Variants in LRP4 observed in about 807,000 individuals in gnomAD.
The protein encoded by LRP4 is low-density lipoprotein receptor-related protein 4.
A neutral mutation model predicts 220.3 loss-of-function variants in LRP4; 95 were observed. The observed-to-expected ratio is 0.43, with a 90% CI of 0.37 to 0.51. LRP4 has a LOEUF of 0.51. Ranked by LOEUF, LRP4 falls within the 20% of genes least tolerant of loss-of-function variation. LRP4 has a pLI of 0.00. For missense variants in LRP4, 1,925 were observed against 2,567.0 expected (o/e 0.75, Z 5.40); for synonymous variants, 903 against 954.6 (o/e 0.95, Z 1.00).
intron 1 of LRP4, among the ~76,000 whole-genome samples, chr11:46,904,574 A>C (rs1271311650): frequency 1.3e-5 from 2 of 152,092 alleles, no homozygotes; most frequent in Non-Finnish European, 2.9e-5. Flanking sequence ...TACAGGTATA[A>C]TGTACGTTTC....
chr11:46,904,779 G>A (rs571426038), intron 1 of LRP4, among the ~76,000 whole-genome samples: 5 of 152,066 alleles, frequency 3.3e-5, no homozygotes, highest in East Asian at 1.9e-4. Context: ...AGACCAGCCC[G>A]GGGAACATGG....
chr11:46,901,654 T>C (rs778320955), intron 2 of LRP4, among the ~76,000 whole-genome samples: 3 of 152,174 alleles, frequency 2.0e-5, no homozygotes, highest in Non-Finnish European at 2.9e-5. Flanking sequence ...CAGGGATATT[T>C]CTATATATCC....
At chr11:46,886,004 G>C (rs986056064) in intron 18 of LRP4, 87 bp downstream of exon 18, 44 of 1,108,116 alleles carry the variant, frequency 4.0e-5, no homozygotes, top group Non-Finnish European at 5.9e-5. Flanking sequence ...GTCCAGGAGA[G>C]ACACTGGGCT....
intron 1 of LRP4, among the ~76,000 whole-genome samples, chr11:46,915,847 A>T (rs1032529009): frequency 6.6e-6 from 1 of 152,190 alleles, no homozygotes; most frequent in African/African-American, 2.4e-5. Context: ...TGCCTTGCTG[A>T]GGTCAGGTCT....
chr11:46,888,567 A>AAG (rs1941351419), intron 16 of LRP4, among the ~76,000 whole-genome samples: 2 of 149,292 alleles, frequency 1.3e-5, no homozygotes, highest in African/African-American at 2.5e-5. Flanking sequence ...AAAAAAAAAA[A>AAG]AAAAAAGAAT....
chr11:46,895,190 C>G lies in LRP4; in HGVS notation c.1285G>C (p.Asp429His). The part of the protein sequence containing the change: ...WCETGYELRP[D>H]RRSCKALGPE... The stretch of plus-strand genomic sequence containing the variant: ...CCCAGAGCCTTGCAGCTGCGCCGGT[C>G]GGGCCGTAGTTCATAGCCTGTTTCA... The change falls in exon 11 of 38, where the codon GAC becomes CAC. Residue 429 changes from aspartate to histidine, a missense_variant. Physicochemically the swap from Asp to His is moderately conservative, Grantham distance 81. Transcript: ENST00000378623. The G allele has an allele frequency of 6.2e-7, 1 of 1,614,044 alleles. No individual in the cohort carries two copies. Among genetic ancestry groups the G allele is most frequent in the Non-Finnish European group, 8.5e-7 (1 of 1,180,040 alleles).
Position 46,877,193 on chromosome 11 carries a change from A to G in LRP4, c.3277+6T>C. The stretch of plus-strand genomic sequence containing the variant: ...AGGCCAGGTGGGAAGAGAGGGCCAT[A>G]CAGACCTTCCTGGGGGTCTACTCCA... On this transcript the variant is annotated splice_donor_region_variant and intron_variant, in intron 23 of 37. Transcript: ENST00000378623. 3.7e-6 allele frequency: 6 copies of G among 1,613,824 alleles called. No individual in the cohort carries two copies. The highest frequency in any genetic ancestry group is 5.1e-6 in the Non-Finnish European group (6 of 1,179,804).
At position 46,857,575 on chromosome 11, in the gene LRP4, C is replaced by T. The variant is rs1355966743; in HGVS notation, c.*1408G>A. ...TTGTATTTTTATTTATTCAGCCCTC[C>T]CACCACAGGACTTTGGAGATTGCTG... On this transcript the variant is annotated 3_prime_UTR_variant, in exon 38 of 38. Coordinates refer to ENST00000378623, the MANE Select transcript of LRP4 (RefSeq NM_002334.4). 6.6e-6 allele frequency: 1 copy of T among 152,148 alleles called. No homozygotes were observed. Among genetic ancestry groups the T allele is most frequent in the African/African-American group, 2.4e-5 (1 of 41,386 alleles). The allele number at this position is 152,148 out of a possible 1,614,324, so 9.4% of individuals were successfully genotyped here.
Position 46,860,381 on chromosome 11 carries a change from C to T in LRP4, c.5386-1066G>A, listed in dbSNP as rs79869660. ...GCTCTGCTGCCATGAGTCCTGGGAC[C>T]ATTCCCAAGCAAAACCTGGGACTCT... On this transcript the variant is annotated intron_variant, in intron 37 of 37. Coordinates refer to ENST00000378623, the MANE Select transcript of LRP4 (RefSeq NM_002334.4). 1.5e-4 allele frequency among the ~76,000 whole-genome samples: 23 copies of T among 152,244 alleles called. No individual in the cohort carries two copies. In the East Asian group the frequency reaches 3.9e-3, roughly 26 times the overall value.
chr11:46,886,412 G>A lies in LRP4; in HGVS notation c.2337C>T (p.Asp779=). 1 of 1,613,642 alleles carries A rather than the reference G, an allele frequency of 6.2e-7. No individual in the cohort carries two copies. The highest frequency in any genetic ancestry group is 1.1e-5 in the South Asian group (1 of 90,954). ...LADVRSAVAL[D]WDSRDDHVYW... is the part of the protein sequence containing the mutation. ...ACACGTGGTCATCCCGGGAGTCCCA[G>A]TCAAGGGCCACAGCACTGCGCACGT... is the stretch of plus-strand genomic sequence containing the variant. Residue 779 remains aspartate (D), a synonymous_variant, in exon 17 of 38, where the codon GAC becomes GAT. Transcript: ENST00000378623.
chr11:46,899,058 G>A lies in LRP4; in HGVS notation c.548-26C>T. ...CTGGAGGGAAGGCAGGGGTGGGGAG[G>A]GGCACACACTCAGGCCTGGATGAAG... On this transcript the variant is annotated intron_variant, in intron 5 of 37. Coordinates refer to ENST00000378623, the MANE Select transcript of LRP4 (RefSeq NM_002334.4). This position sits in a 1 kb window ranked among gnomAD's most constrained non-coding sequence, Gnocchi z 5.9. The A allele has an allele frequency of 6.2e-7, 1 of 1,604,868 alleles. No homozygotes were observed. Among genetic ancestry groups the A allele is most frequent in the East Asian group, 2.2e-5 (1 of 44,752 alleles).
In LRP4 at chr11:46,899,163, C is replaced by T; in HGVS notation, c.548-131G>A. ...CAAGTGAGATGTAACCAGGTTTCAT[C>T]TGGGACAGCCCTTATAGACGCCCAT... On this transcript the variant is annotated intron_variant, in intron 5 of 37. Transcript: ENST00000378623. This position sits in a 1 kb window ranked among gnomAD's most constrained non-coding sequence, Gnocchi z 5.9. The T allele has an allele frequency of 1.0e-6, 1 of 974,998 alleles. No individual in the cohort carries two copies. Among genetic ancestry groups the T allele is most frequent in the South Asian group, 1.5e-5 (1 of 68,300 alleles). The allele number at this position is 974,998 out of a possible 1,614,324, so 60.4% of individuals were successfully genotyped here.
rs1555174059 is a variant in LRP4, at chr11:46,894,826, A to T, written c.1310-7T>A. On this transcript the variant is annotated splice_region_variant and splice_polypyrimidine_tract_variant and intron_variant, in intron 11 of 37. Transcript: ENST00000378623. Reference sequence around the variant, plus strand: ...AGCAGCACAGGCTCTGGCCCTGGGAAACAGTATAAACATGGGATACCCACT... The same window carrying T: ...AGCAGCACAGGCTCTGGCCCTGGGATACAGTATAAACATGGGATACCCACT... 3.1e-6 allele frequency: 5 copies of T among 1,612,234 alleles called. No homozygotes were observed. In the Admixed American group the frequency reaches 5.0e-5, roughly 16 times the overall value.
rs768443059 is a variant in LRP4, at chr11:46,875,926, C to G, written c.3577G>C (p.Glu1193Gln). ...TCTGAGCCATCCATTCCGGACCGCT[C>G]TAACTTGGCATTCTCCCCCCAGTCT... ...WTDWGENAKL[E>Q]RSGMDGSDRA... Residue 1193 changes from glutamate (E) to glutamine (Q), a missense_variant, in exon 26 of 38, where the codon GAG becomes CAG. Physicochemically the swap from Glu to Gln is conservative, Grantham distance 29. Coordinates refer to ENST00000378623, the MANE Select transcript of LRP4 (RefSeq NM_002334.4). The surrounding 1 kb of genome is among the most constrained non-coding windows in gnomAD (Gnocchi z 4.5). 4 of 1,613,992 alleles carry G rather than the reference C, an allele frequency of 2.5e-6. No individual in the cohort carries two copies. In the African/African-American group the frequency reaches 5.3e-5, roughly 22 times the overall value.
At chr11:46,861,884 C>T (rs1453068679) in intron 37 of LRP4, among the ~76,000 whole-genome samples, 3 of 151,912 alleles carry the variant, frequency 2.0e-5, no homozygotes, top group African/African-American at 7.3e-5. Flanking sequence ...GCCTGGTCAA[C>T]ATGGAGAAAC....
chr11:46,915,295 C>T (rs866830551), intron 1 of LRP4, among the ~76,000 whole-genome samples: 6 of 152,324 alleles, frequency 3.9e-5, no homozygotes, highest in South Asian at 4.1e-4. Context: ...TACCCAAGCA[C>T]GCCTAGGCAG....
intron 22 of LRP4, 130 bp downstream of exon 22, chr11:46,878,777 C>A: frequency 5.8e-6 from 8 of 1,369,192 alleles, no homozygotes; most frequent in Non-Finnish European, 8.3e-6. Flanking sequence ...GTGAGTCTCT[C>A]CCCTGGGCCT....
chr11:46,899,936 ATT>A lies in LRP4; in HGVS notation c.355_356del (p.Asn119TrpfsTer13). On this transcript the variant is annotated frameshift_variant, in exon 4 of 38. Coordinates refer to ENST00000378623, the MANE Select transcript of LRP4 (RefSeq NM_002334.4). LOFTEE classifies it high-confidence loss of function. The surrounding 1 kb of genome is among the most constrained non-coding windows in gnomAD (Gnocchi z 5.9). ...GCCACAGACTCCGGATGCAGTAGCC[ATT>A]CTGGCAGGGAAACTCGTCCTCCTCA... The part of the protein sequence containing the change: ...ECEEDEFPCQ[N>X]GYCIRSLWHC... 3 of 1,613,948 alleles carry A rather than the reference ATT, an allele frequency of 1.9e-6. No homozygotes were observed. The highest frequency in any genetic ancestry group is 2.5e-6 in the Non-Finnish European group (3 of 1,180,026).
chr11:46,912,758 T>C (rs6485709), intron 1 of LRP4, among the ~76,000 whole-genome samples: 149,544 of 152,338 alleles, frequency 0.98, 73,422 homozygotes, highest in East Asian at 1. Flanking sequence ...GGTGTCTCTC[T>C]GGATACCCTT....
Sources: allele counts gnomAD v4.1 joint callset (sites outside exome capture counted in the v4.1 genomes callset), GRCh38; gene constraint gnomAD v4.1.1; non-coding constraint Gnocchi (gnomAD v3.1); transcripts MANE v1.5; gene names NCBI Gene and HGNC (gene_info 2026-07-23, HGNC 2026-07-21).